The following PTPRM variants were observed in gnomAD, a reference collection of about 807,000 sequenced individuals.
PTPRM encodes the protein receptor-type tyrosine-protein phosphatase mu.
In PTPRM, 47 loss-of-function variants were observed where a neutral mutation model predicts 186.7. The observed-to-expected ratio is 0.25, with a 90% CI of 0.20 to 0.32. PTPRM has a LOEUF of 0.32. Ranked by LOEUF, PTPRM falls within the 10% of genes least tolerant of loss-of-function variation. The probability of loss-of-function intolerance (pLI) is 1.00; values close to 1 mark genes in which losing one functional copy is unlikely to be tolerated. For synonymous variants in PTPRM, 668 were observed against 674.9 expected, an observed-to-expected ratio of 0.99 and a Z score of 0.16; for missense variants, 1,494 against 1,865.0, an observed-to-expected ratio of 0.80 and a Z score of 3.66.
intron 4 of PTPRM, among the ~76,000 whole-genome samples, chr18:7,925,537 C>T (rs1013250628): frequency 6.6e-6 from 1 of 152,196 alleles, no homozygotes; most frequent in Middle Eastern, 3.4e-3. Context: ...GTGGGGCACC[C>T]TTTTTTGAAG....
rs77861069 is a variant in PTPRM, at chr18:7,942,765, C to T, written c.664-6416C>T. 4.8e-3 allele frequency among the ~76,000 whole-genome samples: 734 copies of T among 152,228 alleles called. 5 individuals carry two copies. The highest frequency in any genetic ancestry group is 0.017 in the African/African-American group (696 of 41,520). On this transcript the variant is annotated intron_variant, in intron 5 of 32. Transcript: ENST00000580170. ...TTTTGGGGTACCATTTCCTGCACTG[C>T]ATCAACACTAACAAAGTGGAGGGTG... is the stretch of plus-strand genomic sequence containing the variant.
Position 8,376,239 on chromosome 18 carries a change from G to T in PTPRM, c.3326+39G>T, listed in dbSNP as rs756039980. Reference sequence around the variant, plus strand: ...CAGAGCCTCTTGAAGGAAACGCAGTGGGTGATGGGTGCAGGGCCACCTTTG... The same window carrying T: ...CAGAGCCTCTTGAAGGAAACGCAGTTGGTGATGGGTGCAGGGCCACCTTTG... On this transcript the variant is annotated intron_variant, in intron 25 of 32. Transcript: ENST00000580170. 4 of 1,598,702 alleles carry T rather than the reference G, an allele frequency of 2.5e-6. No homozygotes were observed. The South Asian group carries it at 4.4e-5, about 18-fold the overall frequency.
At chr18:7,774,069 T>G in intron 1 of PTPRM, 80 bp from the exon 2 acceptor site, 2 of 1,442,402 alleles carry the variant, frequency 1.4e-6, no homozygotes, top group Non-Finnish European at 1.9e-6. Flanking sequence ...GCATCAAGTC[T>G]AAGGCTTCCT....
chr18:8,134,708 G>GTTCATTCTTTCCTTT (rs1375852105), intron 13 of PTPRM, among the ~76,000 whole-genome samples: 1 of 152,002 alleles, frequency 6.6e-6, no homozygotes, highest in African/African-American at 2.4e-5. Context: ...TTATTGAATT[G>GTTCATTCTTTCCTTT]TTCATTCTTT....
At chr18:8,163,300 T>TC (rs961437496) in intron 14 of PTPRM, among the ~76,000 whole-genome samples, 6 of 152,222 alleles carry the variant, frequency 3.9e-5, no homozygotes, top group African/African-American at 1.4e-4. Context: ...ATTTTTTTTT[T>TC]AACCTGGAAC....
At chr18:7,895,070 G>C (rs1416267231) in intron 3 of PTPRM, among the ~76,000 whole-genome samples, 3 of 152,170 alleles carry the variant, frequency 2.0e-5, no homozygotes, top group Admixed American at 2.0e-4. Flanking sequence ...TCAGAGGACA[G>C]TAAAAGAACA....
At chr18:7,985,072 T>C (rs1568131659) in intron 7 of PTPRM, among the ~76,000 whole-genome samples, 1 of 129,176 alleles carries the variant, frequency 7.7e-6, no homozygotes, top group Non-Finnish European at 1.5e-5. Flanking sequence ...TAATTGTATA[T>C]ACATATATAA....
chr18:8,403,133 G>T (rs1250786084), intron 32 of PTPRM: 1 of 152,234 alleles, frequency 6.6e-6, no homozygotes, highest in Admixed American at 6.5e-5. Flanking sequence ...CTCCTGGTCA[G>T]TGTGGGGCAC....
intron 1 of PTPRM, among the ~76,000 whole-genome samples, chr18:7,657,025 C>G (rs926765179): frequency 6.6e-6 from 1 of 152,176 alleles, no homozygotes; most frequent in African/African-American, 2.4e-5. Flanking sequence ...CTTACCAGCT[C>G]TACACTTTCC....
At chr18:7,718,049 A>C in intron 1 of PTPRM, among the ~76,000 whole-genome samples, 1 of 152,152 alleles carries the variant, frequency 6.6e-6, no homozygotes, top group Non-Finnish European at 1.5e-5. Context: ...TTCTTCACAG[A>C]AGTTAGAAAA....
At chr18:8,358,032 C>G (rs1423709546) in intron 23 of PTPRM, among the ~76,000 whole-genome samples, 1 of 151,994 alleles carries the variant, frequency 6.6e-6, no homozygotes, top group Non-Finnish European at 1.5e-5. Context: ...TATCATATGC[C>G]AACCCCAACC....
At chr18:7,688,443 C>G (rs1047565176) in intron 1 of PTPRM, among the ~76,000 whole-genome samples, 3 of 152,204 alleles carry the variant, frequency 2.0e-5, no homozygotes, top group Non-Finnish European at 2.9e-5. Context: ...GCTGCTCAGA[C>G]ATCTGAAGCT....
In PTPRM at chr18:7,879,674, A is replaced by C. The variant is rs565592789; in HGVS notation, c.197-8432A>C. On this transcript the variant is annotated intron_variant, in intron 2 of 32. Transcript: ENST00000580170. Reference sequence around the variant, plus strand: ...TTTTGGTATTTAATATAAATGTCTTAAAGCAAAGGTTATAAGCACATCTGA... The same window carrying C: ...TTTTGGTATTTAATATAAATGTCTTCAAGCAAAGGTTATAAGCACATCTGA... Among the ~76,000 whole-genome samples the C allele has an allele frequency of 2.0e-5, 3 of 152,254 alleles. No homozygotes were observed. The South Asian group carries it at 6.2e-4, about 32-fold the overall frequency.
chr18:7,743,624 G>C (rs1009017884), intron 1 of PTPRM, among the ~76,000 whole-genome samples: 3 of 152,098 alleles, frequency 2.0e-5, no homozygotes, highest in African/African-American at 7.2e-5. Flanking sequence ...GTAGACATAG[G>C]GCTTTATTAG....
At chr18:8,124,055 C>T (rs1347100982) in intron 13 of PTPRM, among the ~76,000 whole-genome samples, 1 of 152,110 alleles carries the variant, frequency 6.6e-6, no homozygotes, top group East Asian at 1.9e-4. Flanking sequence ...CAGCCCCCGT[C>T]GTAAGGCATT....
intron 15 of PTPRM, among the ~76,000 whole-genome samples, chr18:8,247,440 A>T (rs1242365646): frequency 6.6e-6 from 1 of 152,222 alleles, no homozygotes. Flanking sequence ...AAACTATGGG[A>T]ACATTGACAT....
At chr18:8,028,753 C>G (rs1394438786) in intron 7 of PTPRM, among the ~76,000 whole-genome samples, 1 of 152,170 alleles carries the variant, frequency 6.6e-6, no homozygotes, top group East Asian at 1.9e-4. Context: ...TTCTGCCTTG[C>G]TAGTACATCA....
chr18:7,651,893 T>C (rs2038714756), intron 1 of PTPRM, among the ~76,000 whole-genome samples: 1 of 150,832 alleles, frequency 6.6e-6, no homozygotes, highest in Admixed American at 6.6e-5. Context: ...AAAGCCAAAA[T>C]TGACAAATGG....
At chr18:7,818,457 C>T (rs1422559767) in intron 2 of PTPRM, among the ~76,000 whole-genome samples, 1 of 152,208 alleles carries the variant, frequency 6.6e-6, no homozygotes, top group Non-Finnish European at 1.5e-5. Flanking sequence ...GCAACACTCA[C>T]TTGCTCCCTG....
Sources: allele counts gnomAD v4.1 joint callset (sites outside exome capture counted in the v4.1 genomes callset), GRCh38; gene constraint gnomAD v4.1.1; transcripts MANE v1.5; gene names NCBI Gene and HGNC (gene_info 2026-07-23, HGNC 2026-07-21).